Variants in PARVB observed in about 807,000 individuals in gnomAD.
PARVB encodes parvin beta.
Under a neutral mutation model 47.0 loss-of-function variants are expected in PARVB, and 46 were observed. The ratio of observed to expected loss-of-function variants is 0.98; its 90% confidence interval spans 0.77 to 1.25. The LOEUF is 1.25. PARVB is among the 50% of genes most tolerant of loss of function. The pLI, the probability that PARVB is intolerant of heterozygous loss-of-function variation, is 0.00. For synonymous variants in PARVB, 196 were observed against 196.3 expected, an observed-to-expected ratio of 1.00 and a Z score of 0.01; for missense variants, 473 against 471.6, an observed-to-expected ratio of 1.00 and a Z score of -0.03.
intron 12 of PARVB, among the ~76,000 whole-genome samples, chr22:44,166,365 C>T (rs1195292671): frequency 2.6e-5 from 4 of 152,246 alleles, no homozygotes; most frequent in African/African-American, 7.2e-5. Flanking sequence ...CTGCCTTGCC[C>T]TCCCAAAGAG....
In PARVB at chr22:44,136,524, T is replaced by C. The variant is rs770729904; in HGVS notation, c.692+6T>C. 1.9e-6 allele frequency: 3 copies of C among 1,613,130 alleles called. No homozygotes were observed. In the East Asian group the frequency reaches 6.7e-5, roughly 36 times the overall value. On this transcript the variant is annotated splice_donor_region_variant and intron_variant, in intron 7 of 12. Coordinates refer to ENST00000338758, the MANE Select transcript of PARVB (RefSeq NM_013327.5). ...GAGCTGACCACAACTACAGAGTAAG[T>C]GGACCCCTGTCTTGCCCTTCCAGGC...
intron 1 of PARVB, among the ~76,000 whole-genome samples, chr22:44,090,246 C>G (rs541367328): frequency 6.6e-6 from 1 of 152,318 alleles, no homozygotes; most frequent in East Asian, 1.9e-4. Flanking sequence ...GACTGGGGCT[C>G]TGTGGCCACA....
At chr22:44,110,693 A>G (rs2052677333) in intron 3 of PARVB, 1 of 152,102 alleles carries the variant, frequency 6.6e-6, no homozygotes. Context: ...TCTGCCTCCC[A>G]GGTTCCAGAG....
chr22:44,123,007 A>G (rs1569134922), intron 4 of PARVB, among the ~76,000 whole-genome samples: 1 of 152,168 alleles, frequency 6.6e-6, no homozygotes, highest in Non-Finnish European at 1.5e-5. Flanking sequence ...CTCAAGTGTA[A>G]TGGGTTGCTT....
intron 1 of PARVB, among the ~76,000 whole-genome samples, chr22:44,062,649 A>AG (rs974507486): frequency 7.2e-5 from 11 of 152,040 alleles, no homozygotes; most frequent in African/African-American, 2.7e-4. Flanking sequence ...AAAAAAAAAA[A>AG]AAAGAACTCA....
At chr22:44,053,605 T>C (rs1276424093) in intron 1 of PARVB, among the ~76,000 whole-genome samples, 1 of 152,200 alleles carries the variant, frequency 6.6e-6, no homozygotes, top group African/African-American at 2.4e-5. Context: ...ACCAGCTGGA[T>C]GTCCCCTAGT....
intron 3 of PARVB, chr22:44,104,392 T>C (rs917855237): frequency 1.3e-5 from 2 of 152,270 alleles, no homozygotes; most frequent in African/African-American, 4.8e-5. Context: ...GTTACTGTAG[T>C]GGTGGCACAG....
At chr22:44,014,292 C>T (rs934548619) in intron 2 of PARVB, among the ~76,000 whole-genome samples, 3 of 152,200 alleles carry the variant, frequency 2.0e-5, no homozygotes, top group African/African-American at 4.8e-5. Flanking sequence ...GCACAGAGTG[C>T]ATGCAGCACC....
chr22:44,006,638 GAAAA>G (rs781665756), intron 2 of PARVB, among the ~76,000 whole-genome samples: 1 of 152,120 alleles, frequency 6.6e-6, no homozygotes, highest in Non-Finnish European at 1.5e-5. Context: ...AAGAAAAAAA[GAAAA>G]AGAAATGCAG....
intron 2 of PARVB, among the ~76,000 whole-genome samples, chr22:44,008,848 G>C (rs935079009): frequency 1.3e-5 from 2 of 152,020 alleles, no homozygotes; most frequent in African/African-American, 4.8e-5. Context: ...AATTAGCTGG[G>C]TGTGGGGGTG....
intron 1 of PARVB, chr22:44,026,192 A>G (rs1374607431): frequency 2.5e-6 from 1 of 403,572 alleles, no homozygotes; most frequent in African/African-American, 2.2e-5. Flanking sequence ...ATTCCAAAGT[A>G]CGCAGTGCTT....
chr22:44,156,445 A>AT (rs1257107398), intron 10 of PARVB, among the ~76,000 whole-genome samples: 4 of 151,770 alleles, frequency 2.6e-5, no homozygotes, highest in Non-Finnish European at 5.9e-5. Context: ...ACACCCGCTA[A>AT]TTTTTGTATT....
intron 1 of PARVB, among the ~76,000 whole-genome samples, chr22:44,064,457 A>G (rs1231997337): frequency 6.6e-6 from 1 of 152,150 alleles, no homozygotes; most frequent in East Asian, 1.9e-4. Context: ...TCAAGTTCTG[A>G]TGCTTCACGT....
intron 2 of PARVB, among the ~76,000 whole-genome samples, chr22:44,098,269 C>T (rs907942142): frequency 6.6e-6 from 1 of 152,162 alleles, no homozygotes; most frequent in Non-Finnish European, 1.5e-5. Flanking sequence ...GCTCCTTGCC[C>T]GCCTGAGATG....
chr22:44,038,179 TGTTGGCACA>T (rs2050954030), intron 1 of PARVB, among the ~76,000 whole-genome samples: 1 of 152,276 alleles, frequency 6.6e-6, no homozygotes, highest in Non-Finnish European at 1.5e-5. Flanking sequence ...TGTTTCAGGT[TGTTGGCACA>T]GTTCCTGTCT....
intron 3 of PARVB, chr22:44,105,911 C>T (rs2052555998): frequency 6.6e-6 from 1 of 152,342 alleles, no homozygotes; most frequent in Non-Finnish European, 1.5e-5. Context: ...TTACTGCAAC[C>T]TCTGCCTCCC....
At chr22:44,080,340 A>G (rs1279284213) in intron 1 of PARVB, among the ~76,000 whole-genome samples, 2 of 152,248 alleles carry the variant, frequency 1.3e-5, no homozygotes, top group African/African-American at 4.8e-5. Context: ...AGGTGGCAGC[A>G]GGGCCGGTTC....
chr22:44,135,761 G>C (rs1329100820), intron 6 of PARVB, among the ~76,000 whole-genome samples: 1 of 152,210 alleles, frequency 6.6e-6, no homozygotes, highest in Non-Finnish European at 1.5e-5. Context: ...TCCTCTAGGG[G>C]AGGGGTCTTC....
rs139083 is a variant in PARVB at position 44,164,409 on chromosome 22, T to TCCCC, written c.1018+485_1018+488dup. ...GCTGGGGCGGGCGGTTGCTTCCCTG[T>TCCCC]CCCCCCCCCGGCTCCTGTGCCAAGT... On this transcript the variant is annotated intron_variant, in intron 12 of 12. Coordinates refer to ENST00000338758, the MANE Select transcript of PARVB (RefSeq NM_013327.5). 4.4e-3 allele frequency among the ~76,000 whole-genome samples: 620 copies of TCCCC among 142,206 alleles called. 8 individuals are homozygous for TCCCC. The highest frequency in any genetic ancestry group is 0.026 in the Middle Eastern group (7 of 268). 93.3% of individuals were successfully genotyped at this position (142,206 alleles called of 152,430 possible).
Sources: gnomAD v4.1 joint callset for allele counts (sites outside exome capture counted in the v4.1 genomes callset) on GRCh38, gnomAD v4.1.1 for gene constraint, MANE v1.5 for transcripts, NCBI Gene and HGNC (gene_info 2026-07-23, HGNC 2026-07-21) for gene names.